The following DNM3 variants were observed in gnomAD, a reference collection of about 807,000 sequenced individuals.
DNM3 encodes dynamin 3.
In DNM3, 47 loss-of-function variants were observed where a neutral mutation model predicts 101.6. That is an observed-to-expected ratio of 0.46 (90% CI 0.37 to 0.59). DNM3 has a LOEUF of 0.59. Ranked by LOEUF, DNM3 falls within the 20% of genes least tolerant of loss-of-function variation. DNM3 has a pLI of 0.00. For missense variants in DNM3, 849 were observed against 1,085.7 expected, an observed-to-expected ratio of 0.78 and a Z score of 3.06; for synonymous variants, 385 against 387.9, an observed-to-expected ratio of 0.99 and a Z score of 0.09.
At chr1:172,218,885 G>T (rs1198526597) in intron 14 of DNM3, among the ~76,000 whole-genome samples, 7 of 152,086 alleles carry the variant, frequency 4.6e-5, no homozygotes, top group African/African-American at 7.2e-5. Context: ...TGAAGTAGAG[G>T]TAAAGAGGGT....
At chr1:172,299,434 A>G (rs570492314) in intron 15 of DNM3, among the ~76,000 whole-genome samples, 1 of 152,324 alleles carries the variant, frequency 6.6e-6, no homozygotes, top group East Asian at 1.9e-4. Flanking sequence ...GGTTTGTTAC[A>G]TGGGTATATC....
At chr1:172,389,753 C>A (rs2069415924) in intron 20 of DNM3, among the ~76,000 whole-genome samples, 1 of 152,184 alleles carries the variant, frequency 6.6e-6, no homozygotes, top group South Asian at 2.1e-4. Flanking sequence ...GACTTCTACC[C>A]ATCCCTGAAG....
intron 1 of DNM3, among the ~76,000 whole-genome samples, chr1:171,880,945 TTGAA>T (rs555884374): frequency 6.6e-6 from 1 of 152,182 alleles, no homozygotes; most frequent in Non-Finnish European, 1.5e-5. Flanking sequence ...TCTGCTAACT[TTGAA>T]TGGGTACATG....
At chr1:172,199,285 A>G (rs1303875770) in intron 14 of DNM3, among the ~76,000 whole-genome samples, 2 of 150,836 alleles carry the variant, frequency 1.3e-5, no homozygotes, top group Admixed American at 6.6e-5. Flanking sequence ...GTTTAGTATT[A>G]TTTCAGTTCT....
At chr1:172,346,003 G>T (rs755414663) in intron 17 of DNM3, among the ~76,000 whole-genome samples, 8 of 151,632 alleles carry the variant, frequency 5.3e-5, no homozygotes, top group Non-Finnish European at 8.8e-5. Context: ...CGTGGTTGTA[G>T]TCCCAGTTAC....
chr1:172,133,431 T>C, intron 14 of DNM3: 1 of 985,686 alleles, frequency 1.0e-6, no homozygotes, highest in Non-Finnish European at 1.2e-6. Flanking sequence ...GTGCTGTGTA[T>C]AACCAAGGTA....
intron 17 of DNM3, among the ~76,000 whole-genome samples, chr1:172,335,515 C>T (rs1161762399): frequency 6.6e-6 from 1 of 151,978 alleles, no homozygotes; most frequent in African/African-American, 2.4e-5. Context: ...CAGCATTATT[C>T]ACAAATAGAA....
intron 7 of DNM3, among the ~76,000 whole-genome samples, chr1:172,038,818 G>T (rs2049152722): frequency 6.6e-6 from 1 of 152,056 alleles, no homozygotes. Context: ...TGTTTCTATG[G>T]ATGTCAATTG....
chr1:171,905,353 TA>T (rs1269287189), intron 1 of DNM3, among the ~76,000 whole-genome samples: 2 of 152,222 alleles, frequency 1.3e-5, no homozygotes, highest in Non-Finnish European at 2.9e-5. Flanking sequence ...GTAAGGAGTC[TA>T]AAAATAATTC....
At chr1:172,323,928 A>AG (rs1235658125) in intron 17 of DNM3, among the ~76,000 whole-genome samples, 2 of 152,130 alleles carry the variant, frequency 1.3e-5, no homozygotes, top group African/African-American at 4.8e-5. Flanking sequence ...TGGGGAATGC[A>AG]GGGGGTGGCC....
At chr1:172,232,588 C>G (rs2061381394) in intron 14 of DNM3, among the ~76,000 whole-genome samples, 1 of 152,164 alleles carries the variant, frequency 6.6e-6, no homozygotes, top group African/African-American at 2.4e-5. Flanking sequence ...AATATACATT[C>G]TTCTCAGCAC....
chr1:172,159,254 A>G (rs963011914), intron 14 of DNM3, among the ~76,000 whole-genome samples: 1 of 152,082 alleles, frequency 6.6e-6, no homozygotes, highest in Non-Finnish European at 1.5e-5. Flanking sequence ...TGTGAGTCCT[A>G]CTAGATTCAT....
rs370507711 is a variant in DNM3, at chr1:171,989,127, G to A, written c.568G>A (p.Ala190Thr). 2.2e-5 allele frequency: 35 copies of A among 1,612,756 alleles called. No individual in the cohort carries two copies. The highest frequency in any genetic ancestry group is 2.9e-5 in the Non-Finnish European group (34 of 1,179,296). Residue 190 changes from alanine (A) to threonine (T), a missense_variant, in exon 4 of 21, where the codon GCT (alanine) becomes ACT (threonine). Ala to Thr is a moderately conservative substitution (Grantham distance 58, BLOSUM62 0). Around this residue, in one of 5 missense-constraint regions of DNM3, gnomAD observed 388 missense variants for 483.0 expected, o/e 0.80. Coordinates refer to ENST00000627582, the MANE Select transcript of DNM3 (RefSeq NM_015569.5). ...DLANSDALKL[A>T]KEVDPQGLRT... ...TGCAAACTCAGATGCGCTGAAGCTA[G>A]CTAAAGAAGTTGATCCTCAAGGTGA...
intron 1 of DNM3, among the ~76,000 whole-genome samples, chr1:171,886,137 T>C (rs1329197702): frequency 1.3e-5 from 2 of 152,220 alleles, no homozygotes; most frequent in Non-Finnish European, 2.9e-5. Flanking sequence ...TTCTGAGATA[T>C]AATGAGCTAA....
chr1:172,017,064 C>T (rs758635036), intron 4 of DNM3, among the ~76,000 whole-genome samples: 4 of 151,942 alleles, frequency 2.6e-5, no homozygotes, highest in African/African-American at 4.8e-5. Context: ...ATTCTTTTAC[C>T]ATTCATGAGA....
intron 13 of DNM3, among the ~76,000 whole-genome samples, chr1:172,121,338 T>C (rs1285350062): frequency 6.6e-6 from 1 of 152,204 alleles, no homozygotes; most frequent in Non-Finnish European, 1.5e-5. Context: ...TAACTGTACA[T>C]GTGGCAGAAA....
chr1:172,038,049 T>C (rs911411432), intron 6 of DNM3, among the ~76,000 whole-genome samples: 1 of 152,172 alleles, frequency 6.6e-6, no homozygotes, highest in African/African-American at 2.4e-5. Context: ...ATTAGCTGCA[T>C]TTTAACAGGG....
At chr1:172,344,061 C>T (rs1285556465) in intron 17 of DNM3, among the ~76,000 whole-genome samples, 3 of 152,256 alleles carry the variant, frequency 2.0e-5, no homozygotes, top group South Asian at 2.1e-4. Flanking sequence ...TAAATGATCA[C>T]GTCTACAGCC....
chr1:172,228,426 T>C (rs2061216444), intron 14 of DNM3, among the ~76,000 whole-genome samples: 1 of 152,112 alleles, frequency 6.6e-6, no homozygotes, highest in Non-Finnish European at 1.5e-5. Flanking sequence ...TCTATTCACC[T>C]GACCTGCCAG....
Sources: gnomAD v4.1 joint callset for allele counts (sites outside exome capture counted in the v4.1 genomes callset) on GRCh38, gnomAD v4.1.1 for gene constraint, gnomAD v4.1.1 regional missense constraint, MANE v1.5 for transcripts, NCBI Gene and HGNC (gene_info 2026-07-23, HGNC 2026-07-21) for gene names.